The following CDH19 variants were observed in gnomAD, a reference collection of about 807,000 sequenced individuals.
CDH19 encodes cadherin 19.
In CDH19, 67 loss-of-function variants were observed where a neutral mutation model predicts 64.2. The ratio of observed to expected loss-of-function variants is 1.04; its 90% CI spans 0.86 to 1.28. CDH19 has a LOEUF of 1.28. Among genes scored for constraint, CDH19 ranks in the 50% most tolerant of loss-of-function variants. The probability of loss-of-function intolerance (pLI) is 0.00; values close to 1 mark genes in which losing one functional copy is unlikely to be tolerated. For missense variants in CDH19, 1,030 were observed against 929.0 expected, an observed-to-expected ratio of 1.11 and a Z score of -1.41; for synonymous variants, 346 against 319.3, an observed-to-expected ratio of 1.08 and a Z score of -0.89.
At chr18:66,565,843 A>G (rs1987889295) in intron 3 of CDH19, among the ~76,000 whole-genome samples, 1 of 151,922 alleles carries the variant, frequency 6.6e-6, no homozygotes, top group Admixed American at 6.6e-5. Context: ...TGGAAAGGTT[A>G]CACAAAGTGC....
At chr18:66,557,732 A>G (rs1409039760) in intron 3 of CDH19, among the ~76,000 whole-genome samples, 2 of 151,922 alleles carry the variant, frequency 1.3e-5, no homozygotes, top group Non-Finnish European at 2.9e-5. Flanking sequence ...TGTGTGTGAG[A>G]AGATGTTTAT....
chr18:66,514,180 T>C (rs1985627911), intron 9 of CDH19, among the ~76,000 whole-genome samples: 1 of 151,528 alleles, frequency 6.6e-6, no homozygotes, highest in African/African-American at 2.4e-5. Context: ...TAAGCTGATG[T>C]CATAGGCAAT....
chr18:66,538,031 G>A (rs758500385), intron 7 of CDH19, among the ~76,000 whole-genome samples: 1 of 151,716 alleles, frequency 6.6e-6, no homozygotes, highest in Admixed American at 6.6e-5. Flanking sequence ...ATGCATCTTA[G>A]TCTTACTATC....
intron 9 of CDH19, among the ~76,000 whole-genome samples, chr18:66,524,550 AT>A (rs1986139472): frequency 7.6e-6 from 1 of 131,180 alleles, no homozygotes; most frequent in Non-Finnish European, 1.6e-5. Flanking sequence ...GTGTATATAT[AT>A]ATATATATAT....
chr18:66,544,765 A>C lies in CDH19; in HGVS notation c.914T>G (p.Ile305Ser), dbSNP rs1417928990. 2 of 1,611,164 alleles carry C rather than the reference A, an allele frequency of 1.2e-6. No individual in the cohort carries two copies. The highest frequency in any genetic ancestry group is 3.3e-5 in the Admixed American group (2 of 59,872). ...TTCTTGAGTTTCATGATTAGTAATA[A>C]TGTCAAATGTTTGCGAATCATCCTC... ...IEEDDSQTFD[I>S]ITNHETQEGI... Residue 305 changes from isoleucine to serine, a missense_variant, in exon 6 of 12, where the codon ATT becomes AGT. Ile to Ser is a moderately radical substitution (Grantham distance 142). Transcript: ENST00000262150.
chr18:66,513,080 G>C (rs1985571179), intron 9 of CDH19, among the ~76,000 whole-genome samples: 1 of 151,332 alleles, frequency 6.6e-6, no homozygotes, highest in Non-Finnish European at 1.5e-5. Flanking sequence ...ATGCACATTT[G>C]CTGAAATAAG....
chr18:66,577,490 T>C (rs1484576685), intron 1 of CDH19, among the ~76,000 whole-genome samples: 3 of 152,004 alleles, frequency 2.0e-5, no homozygotes, highest in Non-Finnish European at 2.9e-5. Context: ...TAACAGTCTT[T>C]GTGCTAAAAC....
At chr18:66,584,675 A>G (rs544661868) in intron 1 of CDH19, among the ~76,000 whole-genome samples, 1 of 152,260 alleles carries the variant, frequency 6.6e-6, no homozygotes, top group Admixed American at 6.5e-5. Context: ...GACAGACTGG[A>G]TAAGAAATGT....
rs555135298 is a variant in CDH19, at chr18:66,570,628, C to T, written c.195+1382G>A. Among the ~76,000 whole-genome samples, 129 of 151,738 alleles carry T rather than the reference C, an allele frequency of 8.5e-4. 2 individuals carry two copies. In the South Asian group the frequency reaches 0.019, roughly 22 times the overall value. ...AAGCACCTAAACATTCATTATTGTT[C>T]TTTTTGAAATCAGTGATTCACTTGT... On this transcript the variant is annotated intron_variant, in intron 2 of 11. Coordinates refer to ENST00000262150, the MANE Select transcript of CDH19 (RefSeq NM_021153.4).
chr18:66,587,882 T>C (rs760562758), intron 1 of CDH19, among the ~76,000 whole-genome samples: 2 of 152,158 alleles, frequency 1.3e-5, no homozygotes. Context: ...AATGCCATAA[T>C]GGTACTCATC....
At chr18:66,587,305 A>G (rs1045735115) in intron 1 of CDH19, among the ~76,000 whole-genome samples, 21 of 152,094 alleles carry the variant, frequency 1.4e-4, no homozygotes, top group African/African-American at 5.1e-4. Context: ...CACAAGTGAC[A>G]ATGCTAACTG....
rs113812250 is a variant in CDH19 at position 66,540,739 on chromosome 18, T to C, written c.1214+3232A>G. ...CTCGTACCCACCTAATACCATTTCA[T>C]TGAGATTTAGGATTTCAAAATGGGA... On this transcript the variant is annotated intron_variant, in intron 7 of 11. Coordinates refer to ENST00000262150, the MANE Select transcript of CDH19 (RefSeq NM_021153.4). 1.5e-3 allele frequency among the ~76,000 whole-genome samples: 223 copies of C among 152,230 alleles called. 1 individual carries two copies. Among genetic ancestry groups the C allele is most frequent in the Non-Finnish European group, 1.0e-3 (71 of 68,010 alleles).
At chr18:66,541,876 T>C (rs489253) in intron 7 of CDH19, among the ~76,000 whole-genome samples, 95,152 of 151,870 alleles carry the variant, frequency 0.63, 30,929 homozygotes, top group African/African-American at 0.79. Context: ...TATTTGGTTG[T>C]ACCTTAGGTT....
chr18:66,534,436 G>T (rs73537795), intron 8 of CDH19, among the ~76,000 whole-genome samples: 2,534 of 151,882 alleles, frequency 0.017, 60 homozygotes, highest in African/African-American at 0.056. Context: ...AAAGGAAACA[G>T]GATTATTAAA....
chr18:66,543,012 G>A (rs1986949909), intron 7 of CDH19, among the ~76,000 whole-genome samples: 1 of 152,132 alleles, frequency 6.6e-6, no homozygotes, highest in South Asian at 2.1e-4. Context: ...CAAGTAAATA[G>A]TATTTAAATA....
intron 3 of CDH19, among the ~76,000 whole-genome samples, chr18:66,556,390 T>C (rs1987520427): frequency 6.6e-6 from 1 of 151,798 alleles, no homozygotes; most frequent in Admixed American, 6.6e-5. Flanking sequence ...CTTACTTATC[T>C]GATACTTTGT....
At chr18:66,575,074 A>C (rs1988226635) in intron 1 of CDH19, among the ~76,000 whole-genome samples, 1 of 151,874 alleles carries the variant, frequency 6.6e-6, no homozygotes, top group Non-Finnish European at 1.5e-5. Flanking sequence ...TATAAGCAAG[A>C]GGCTAAAACA....
chr18:66,603,225 T>C (rs1197360181), intron 1 of CDH19, among the ~76,000 whole-genome samples: 3 of 150,728 alleles, frequency 2.0e-5, no homozygotes, highest in African/African-American at 7.2e-5. Flanking sequence ...TATTTTATTA[T>C]AATTAGTTAT....
chr18:66,522,654 T>TTA (rs1485655758), intron 9 of CDH19, among the ~76,000 whole-genome samples: 5 of 151,468 alleles, frequency 3.3e-5, no homozygotes, highest in Non-Finnish European at 5.9e-5. Context: ...ATATGTTTTA[T>TTA]TATATATATT....
Sources: gnomAD v4.1 joint callset for allele counts (sites outside exome capture counted in the v4.1 genomes callset) on GRCh38, gnomAD v4.1.1 for gene constraint, MANE v1.5 for transcripts, NCBI Gene and HGNC (gene_info 2026-07-23, HGNC 2026-07-21) for gene names.